FNBP1L: variants seen among roughly 807,000 people sequenced by gnomAD.
FNBP1L encodes formin binding protein 1 like.
Under a neutral mutation model 91.2 loss-of-function variants are expected in FNBP1L, and 36 were observed. The observed-to-expected ratio is 0.39, with a 90% CI of 0.30 to 0.52. The LOEUF is 0.52. Among genes scored for constraint, FNBP1L ranks in the 20% least tolerant of loss-of-function variants. The pLI, the probability that FNBP1L is intolerant of heterozygous loss-of-function variation, is 0.66. For synonymous variants in FNBP1L, 242 were observed against 237.0 expected (o/e 1.02, Z -0.19); for missense variants, 571 against 732.1 (o/e 0.78, Z 2.54).
At chr1:93,467,805 C>T (rs991816987) in intron 1 of FNBP1L, among the ~76,000 whole-genome samples, 14 of 151,842 alleles carry the variant, frequency 9.2e-5, no homozygotes, top group Admixed American at 2.0e-4. Flanking sequence ...GTAGGCTTGG[C>T]GGTGTGCGCA....
chr1:93,450,185 T>C (rs1668441756), intron 1 of FNBP1L, among the ~76,000 whole-genome samples: 2 of 152,124 alleles, frequency 1.3e-5, no homozygotes, highest in Non-Finnish European at 1.5e-5. Context: ...TTTTTAAACT[T>C]ATGGTACTAC....
chr1:93,540,710 A>AATAAAGAGC (rs1173812717), intron 10 of FNBP1L, among the ~76,000 whole-genome samples: 1 of 152,160 alleles, frequency 6.6e-6, no homozygotes, highest in African/African-American at 2.4e-5. Flanking sequence ...GTAATTTGAG[A>AATAAAGAGC]ATAAAGAGCT....
At chr1:93,460,441 G>A (rs967888799) in intron 1 of FNBP1L, among the ~76,000 whole-genome samples, 1 of 152,134 alleles carries the variant, frequency 6.6e-6, no homozygotes, top group Non-Finnish European at 1.5e-5. Context: ...CTTTCTTTTA[G>A]CAGCACAAAT....
At chr1:93,552,065 G>T (rs1418906128) in intron 16 of FNBP1L, 1 of 1,054,392 alleles carries the variant, frequency 9.5e-7, no homozygotes, top group East Asian at 6.9e-5. Context: ...TATGTGTACC[G>T]CCTTTAGGGC....
chr1:93,538,906 T>C (rs1265040267), intron 10 of FNBP1L, among the ~76,000 whole-genome samples: 2 of 152,038 alleles, frequency 1.3e-5, no homozygotes, highest in Non-Finnish European at 2.9e-5. Context: ...GATCCCAGTA[T>C]AAATTAAGGA....
At chr1:93,476,612 C>T (rs1669505275) in intron 1 of FNBP1L, among the ~76,000 whole-genome samples, 1 of 151,990 alleles carries the variant, frequency 6.6e-6, no homozygotes, top group African/African-American at 2.4e-5. Context: ...AAACATAACC[C>T]ACCACTAAGT....
intron 1 of FNBP1L, among the ~76,000 whole-genome samples, chr1:93,456,684 G>A (rs574096640): frequency 1.3e-5 from 2 of 151,382 alleles, no homozygotes; most frequent in South Asian, 2.1e-4. Context: ...GGAGGCTGAG[G>A]CGGGAGGATC....
chr1:93,546,778 A>C (rs1672255432), intron 12 of FNBP1L, 64 bp from the exon 13 acceptor site: 6 of 1,569,924 alleles, frequency 3.8e-6, no homozygotes, highest in Non-Finnish European at 4.3e-6. Context: ...GAGTCCAATA[A>C]AACTCTTTTA....
At chr1:93,516,354 C>G (rs1422287969) in intron 2 of FNBP1L, among the ~76,000 whole-genome samples, 1 of 152,184 alleles carries the variant, frequency 6.6e-6, no homozygotes, top group Non-Finnish European at 1.5e-5. Flanking sequence ...ACCCCCTTTA[C>G]CTGTTAAAAG....
intron 1 of FNBP1L, among the ~76,000 whole-genome samples, chr1:93,494,116 A>G (rs2101720098): frequency 6.6e-6 from 1 of 152,342 alleles, no homozygotes; most frequent in East Asian, 1.9e-4. Flanking sequence ...ACTTGGCTAC[A>G]AATCAGGGGT....
At chr1:93,529,135 AAAAC>A (rs1414919736) in intron 5 of FNBP1L, among the ~76,000 whole-genome samples, 5 of 152,232 alleles carry the variant, frequency 3.3e-5, no homozygotes, top group Non-Finnish European at 5.9e-5. Flanking sequence ...AATAAATGCC[AAAAC>A]AAACCAACTG....
rs572097568 is a variant in FNBP1L, at chr1:93,516,286, C to A, written c.141-5796C>A. 2.0e-5 allele frequency among the ~76,000 whole-genome samples: 3 copies of A among 152,222 alleles called. No individual in the cohort carries two copies. In the South Asian group the frequency reaches 6.2e-4, roughly 32 times the overall value. ...GAGAAAACATCCTGGAAGGGGGCAC[C>A]CGGATTTGAACCGGGGACCTCTTGA... On this transcript the variant is annotated intron_variant, in intron 2 of 16. Coordinates refer to ENST00000271234, the MANE Select transcript of FNBP1L (RefSeq NM_001164473.3).
chr1:93,532,794 A>C (rs1671726269), intron 7 of FNBP1L, 128 bp from the exon 8 acceptor site: 2 of 565,534 alleles, frequency 3.5e-6, no homozygotes, highest in East Asian at 6.2e-5. Flanking sequence ...ACTTGTTAAA[A>C]GGTATTAACA....
At chr1:93,493,594 C>T (rs1462051220) in intron 1 of FNBP1L, among the ~76,000 whole-genome samples, 1 of 152,074 alleles carries the variant, frequency 6.6e-6, no homozygotes, top group African/African-American at 2.4e-5. Context: ...ATTGTAAGTA[C>T]CTCGTGTAGG....
At chr1:93,488,757 T>C (rs1308632376) in intron 1 of FNBP1L, among the ~76,000 whole-genome samples, 1 of 152,224 alleles carries the variant, frequency 6.6e-6, no homozygotes, top group Admixed American at 6.5e-5. Flanking sequence ...ACTGAACTTG[T>C]AACTGCACTA....
chr1:93,549,319 G>C lies in FNBP1L; in HGVS notation c.1544G>C (p.Arg515Pro). ...ACTGATGATGCAAACCAGGAAGTCC[G>C]TGGGCCACCCCAGCAGCATGGTCAC... ...SYTDDANQEV[R>P]GPPQQHGHHN... Residue 515 changes from arginine to proline, a missense_variant, in exon 15 of 17, where the codon CGT (arginine) becomes CCT (proline). Transcript: ENST00000271234. The C allele has an allele frequency of 6.2e-7, 1 of 1,612,528 alleles. No homozygotes were observed.
chr1:93,512,320 A>G (rs1670884790), intron 2 of FNBP1L, among the ~76,000 whole-genome samples: 1 of 151,836 alleles, frequency 6.6e-6, no homozygotes, highest in Admixed American at 6.6e-5. Flanking sequence ...CACATTAATA[A>G]TGGGAGACTT....
chr1:93,457,600 G>A (rs1668712508), intron 1 of FNBP1L, among the ~76,000 whole-genome samples: 1 of 151,694 alleles, frequency 6.6e-6, no homozygotes, highest in Non-Finnish European at 1.5e-5. Flanking sequence ...TTACCTTTCT[G>A]GATTCTCCTT....
chr1:93,472,811 CAAAAAAAAAAAAAAAAAAAAAA>C (rs57548632), intron 1 of FNBP1L, among the ~76,000 whole-genome samples: 1 of 46,880 alleles, frequency 2.1e-5, no homozygotes, highest in Non-Finnish European at 3.5e-5. Flanking sequence ...GACTCCATCT[CAAAAAAAAAAAAAAAAAAAAAA>C]AAAAAAAAAA....
Sources: gnomAD v4.1 joint callset for allele counts (sites outside exome capture counted in the v4.1 genomes callset) on GRCh38, gnomAD v4.1.1 for gene constraint, MANE v1.5 for transcripts, NCBI Gene and HGNC (gene_info 2026-07-23, HGNC 2026-07-21) for gene names.